CPLANE1: variants seen among roughly 807,000 people sequenced by gnomAD.
CPLANE1 encodes the protein ciliogenesis and planar polarity effector complex subunit 1.
A neutral mutation model predicts 362.5 loss-of-function variants in CPLANE1; 263 were observed. The observed-to-expected ratio is 0.73, with a 90% confidence interval of 0.66 to 0.80. The LOEUF is 0.80. Among genes scored for constraint, CPLANE1 ranks in the 30% least tolerant of loss-of-function variants. CPLANE1 has a pLI of 0.00. For synonymous variants in CPLANE1, 1,212 were observed against 1,302.6 expected, an observed-to-expected ratio of 0.93 and a Z score of 1.50; for missense variants, 3,461 against 3,793.4, an observed-to-expected ratio of 0.91 and a Z score of 2.30.
intron 9 of CPLANE1, among the ~76,000 whole-genome samples, chr5:37,230,354 G>A (rs1324343104): frequency 6.6e-6 from 1 of 151,766 alleles, no homozygotes; most frequent in African/African-American, 2.4e-5. Context: ...TATGACACAT[G>A]CTATCCAAGT....
In CPLANE1 at chr5:37,177,625, T is replaced by C. The variant is rs1472642121; in HGVS notation, c.5896A>G (p.Lys1966Glu). 2 of 1,612,914 alleles carry C rather than the reference T, an allele frequency of 1.2e-6. No individual in the cohort carries two copies. Among genetic ancestry groups the C allele is most frequent in the African/African-American group, 1.3e-5 (1 of 74,902 alleles). ...TCATACTTTTTTCCCCCTTACCCTT[T>C]TTGTTCAGTCGATTTTTCCTCCATA... ...TIMEEKSTEQ[K>E]GMIEAFSHPG... The change falls in exon 30 of 53, where the codon AAA becomes GAA. Residue 1966 changes from lysine to glutamate, a missense_variant. By Grantham distance (56) the Lys-to-Glu change is moderately conservative. This residue lies in a region of CPLANE1 where 3,380 missense variants were observed against 3,666.1 expected (regional missense o/e 0.92). Coordinates refer to ENST00000651892, the MANE Select transcript of CPLANE1 (RefSeq NM_001384732.1).
the CPLANE1 span, chr5:37,085,304 T>C: frequency 1.8e-6 from 2 of 1,083,838 alleles, no homozygotes; most frequent in Non-Finnish European, 2.9e-6. Context: ...CCTACCCTGC[T>C]GGATTCATGG....
chr5:37,155,706 C>T (rs1310465131), intron 41 of CPLANE1, among the ~76,000 whole-genome samples: 2 of 152,222 alleles, frequency 1.3e-5, no homozygotes, highest in Non-Finnish European at 2.9e-5. Context: ...AAGCAAGTTC[C>T]ATTAACTTAC....
chr5:37,245,531 C>A lies in CPLANE1; in HGVS notation c.285G>T (p.Leu95Phe). ...GCTTTTCAGTTATTGGTATAGTTTTCAAACAATCTTGATCTTTGTTCCAAA... is the reference window on the plus strand; with the variant it reads ...GCTTTTCAGTTATTGGTATAGTTTTAAAACAATCTTGATCTTTGTTCCAAA... The part of the protein sequence containing the change: ...LFLWNKDQDC[L>F]KTIPITEKPK... The change falls in exon 4 of 53, where the codon TTG becomes TTT. Residue 95 changes from leucine to phenylalanine, a missense_variant. By Grantham distance (22) the Leu-to-Phe change is conservative. This residue lies in a region of CPLANE1 where 3,380 missense variants were observed against 3,666.1 expected (regional missense o/e 0.92). Transcript: ENST00000651892. 6.6e-7 allele frequency: 1 copy of A among 1,505,960 alleles called. No homozygotes were observed. Among genetic ancestry groups the A allele is most frequent in the East Asian group, 2.6e-5 (1 of 39,082 alleles). 93.3% of individuals were successfully genotyped at this position (1,505,960 alleles called of 1,614,324 possible). A position where few individuals can be genotyped will look rare whatever the true frequency, so the allele number is the denominator to read the frequency against.
At chr5:37,141,604 C>A (rs1769737732) in intron 44 of CPLANE1, 1 of 962,760 alleles carries the variant, frequency 1.0e-6, no homozygotes, top group South Asian at 4.8e-5. Context: ...GTTTATATCA[C>A]TTTAATAATG....
chr5:37,209,268 G>C lies in CPLANE1; in HGVS notation c.2921-2843C>G, dbSNP rs1045007807. On this transcript the variant is annotated intron_variant, in intron 16 of 52. Transcript: ENST00000651892. The surrounding 1 kb of genome is among the most constrained non-coding windows in gnomAD (Gnocchi z 4.6). ...CAGAAGCAGGGCTCTGGAGGGCAGG[G>C]ATTCCCCCTCGTCTTGGCCCTACAG... 1 of 706,718 alleles carries C rather than the reference G, an allele frequency of 1.4e-6. No individual in the cohort carries two copies. The highest frequency in any genetic ancestry group is 2.6e-6 in the Non-Finnish European group (1 of 383,836). The allele number at this position is 706,718 out of a possible 1,614,324, so 43.8% of individuals were successfully genotyped here.
At chr5:37,145,795 A>G (rs1771385919) in intron 43 of CPLANE1, among the ~76,000 whole-genome samples, 2 of 152,240 alleles carry the variant, frequency 1.3e-5, no homozygotes, top group African/African-American at 4.8e-5. Flanking sequence ...AAGATATTAG[A>G]AATAAGCACA....
chr5:37,146,352 T>C (rs1771581498), intron 43 of CPLANE1, among the ~76,000 whole-genome samples: 1 of 152,098 alleles, frequency 6.6e-6, no homozygotes, highest in East Asian at 1.9e-4. Flanking sequence ...CTAATTTTTG[T>C]ATTTTTAGTA....
the CPLANE1 span, chr5:37,085,742 A>C: frequency 7.4e-7 from 1 of 1,359,850 alleles, no homozygotes; most frequent in Non-Finnish European, 1.1e-6. Flanking sequence ...CATTTTTGTT[A>C]TTGGCAAGGG....
intron 19 of CPLANE1, among the ~76,000 whole-genome samples, chr5:37,200,283 A>C (rs935625506): frequency 1.1e-4 from 17 of 152,238 alleles, no homozygotes; most frequent in African/African-American, 4.1e-4. Context: ...ACCAAGGAGA[A>C]TTGCTTTAAT....
chr5:37,213,588 T>G lies in CPLANE1; in HGVS notation c.2891A>C (p.Asn964Thr). The part of the protein sequence containing the change: ...QLCILPPHHV[N>T]VLPPLHIKTE... ...TTTAATATGAAGTGGGGGAAGAACATTCACATGATGAGGGGGCAAAATGCA... is the reference window on the plus strand; with the variant it reads ...TTTAATATGAAGTGGGGGAAGAACAGTCACATGATGAGGGGGCAAAATGCA... Residue 964 changes from asparagine to threonine, a missense_variant, in exon 16 of 53, where the codon AAT (asparagine) becomes ACT (threonine). Asn to Thr is a moderately conservative substitution (Grantham distance 65, BLOSUM62 0). This residue lies in a region of CPLANE1 where 3,380 missense variants were observed against 3,666.1 expected (regional missense o/e 0.92). Coordinates refer to ENST00000651892, the MANE Select transcript of CPLANE1 (RefSeq NM_001384732.1). 1 of 1,546,080 alleles carries G rather than the reference T, an allele frequency of 6.5e-7. No homozygotes were observed. The highest frequency in any genetic ancestry group is 8.7e-7 in the Non-Finnish European group (1 of 1,143,682).
At chr5:37,142,561 C>T in intron 43 of CPLANE1, 81 bp from the exon 44 acceptor site, 1 of 878,448 alleles carries the variant, frequency 1.1e-6, no homozygotes, top group Non-Finnish European at 1.7e-6. Context: ...GCCACTATTT[C>T]CAACTGGCAA....
Position 37,169,520 on chromosome 5 carries a change from G to T in CPLANE1, c.6504C>A (p.Gly2168=), listed in dbSNP as rs1461749027. Residue 2168 remains glycine (G), a synonymous_variant, in exon 34 of 53, where the codon GGC becomes GGA. Transcript: ENST00000651892. ...GAATTGGTCCTTTTTTCCGGGGCTG[G>T]CCATTTAATTGACATAAAGGAATAC... ...HGSIPLCQLN[G]QPRKKGPIPS... 1 of 1,613,390 alleles carries T rather than the reference G, an allele frequency of 6.2e-7. No homozygotes were observed. Among genetic ancestry groups the T allele is most frequent in the Admixed American group, 1.7e-5 (1 of 59,904 alleles).
intron 8 of CPLANE1, among the ~76,000 whole-genome samples, chr5:37,233,965 C>G (rs1798320089): frequency 6.6e-6 from 1 of 152,142 alleles, no homozygotes; most frequent in Non-Finnish European, 1.5e-5. Context: ...ATCACAGGTG[C>G]CACCAACCCT....
intron 37 of CPLANE1, among the ~76,000 whole-genome samples, chr5:37,163,839 T>C (rs1188906683): frequency 1.3e-5 from 2 of 152,128 alleles, no homozygotes; most frequent in African/African-American, 2.4e-5. Flanking sequence ...TACTGCCACT[T>C]CTGGGAAAGA....
intron 50 of CPLANE1, among the ~76,000 whole-genome samples, chr5:37,116,123 C>A (rs982274338): frequency 1.3e-5 from 2 of 151,674 alleles, no homozygotes; most frequent in African/African-American, 4.8e-5. Flanking sequence ...TCCGTCTCTA[C>A]GAAAAAATTT....
chr5:37,194,576 T>C (rs1427419293), intron 21 of CPLANE1, among the ~76,000 whole-genome samples: 1 of 151,794 alleles, frequency 6.6e-6, no homozygotes, highest in African/African-American at 2.4e-5. Context: ...AGCATTTCAA[T>C]GCCGTTTCGG....
Position 37,213,736 on chromosome 5 carries a change from A to G in CPLANE1, c.2747-4T>C. On this transcript the variant is annotated splice_polypyrimidine_tract_variant and splice_region_variant and intron_variant, in intron 15 of 52. Transcript: ENST00000651892. ...TCAAAATGAGACTTTGCAGCACCTA[A>G]GGAATACAGCAATGACCTAAGAAGA... 1 of 1,486,714 alleles carries G rather than the reference A, an allele frequency of 6.7e-7. No homozygotes were observed. Among genetic ancestry groups the G allele is most frequent in the Non-Finnish European group, 9.0e-7 (1 of 1,108,368 alleles). The allele number at this position is 1,486,714 out of a possible 1,614,324, so 92.1% of individuals were successfully genotyped here. A position where few individuals can be genotyped will look rare whatever the true frequency, so the allele number is the denominator to read the frequency against.
intron 16 of CPLANE1, among the ~76,000 whole-genome samples, chr5:37,213,067 G>T (rs1017944532): frequency 6.6e-6 from 1 of 152,198 alleles, no homozygotes; most frequent in Non-Finnish European, 1.5e-5. Context: ...AATTAGCCAG[G>T]TGTGGTGGCA....
Sources: gnomAD v4.1 joint callset for allele counts (sites outside exome capture counted in the v4.1 genomes callset) on GRCh38, gnomAD v4.1.1 for gene constraint, gnomAD v4.1.1 regional missense constraint, Gnocchi (gnomAD v3.1) non-coding constraint, MANE v1.5 for transcripts, NCBI Gene and HGNC (gene_info 2026-07-23, HGNC 2026-07-21) for gene names.